ULK4: variants seen among roughly 807,000 people sequenced by gnomAD.
ULK4 encodes unc-51 like kinase 4, also known as inactive serine/threonine-protein kinase ULK4.
A neutral mutation model predicts 160.6 loss-of-function variants in ULK4; 133 were observed. That is an observed-to-expected ratio of 0.83 (90% CI 0.72 to 0.96). ULK4 has a LOEUF of 0.96. Among genes scored for constraint, ULK4 ranks in the 40% least tolerant of loss-of-function variants. The probability of loss-of-function intolerance (pLI) is 0.00; values close to 1 mark genes in which losing one functional copy is unlikely to be tolerated. For synonymous variants in ULK4, 534 were observed against 539.8 expected, an observed-to-expected ratio of 0.99 and a Z score of 0.15; for missense variants, 1,580 against 1,499.5, an observed-to-expected ratio of 1.05 and a Z score of -0.89.
chr3:41,630,071 AG>A, intron 30 of ULK4, among the ~76,000 whole-genome samples: 1 of 152,302 alleles, frequency 6.6e-6, no homozygotes, highest in Middle Eastern at 3.4e-3. Context: ...CAGCAATCTA[AG>A]GGGGACACCA....
At chr3:41,348,206 C>CAAAAAAAAAAAAA (rs1197234650) in intron 35 of ULK4, among the ~76,000 whole-genome samples, 12 of 22,962 alleles carry the variant, frequency 5.2e-4, no homozygotes, top group African/African-American at 1.7e-3. Flanking sequence ...AACTCTGTCT[C>CAAAAAAAAAAAAA]AAAAAAAAAA....
In ULK4 at chr3:41,827,844, C is replaced by A. The variant is rs1471891526; in HGVS notation, c.1764+8020G>T. 8.6e-5 allele frequency among the ~76,000 whole-genome samples: 13 copies of A among 151,812 alleles called. No individual in the cohort carries two copies. In the East Asian group the frequency reaches 2.5e-3, roughly 29 times the overall value. On this transcript the variant is annotated intron_variant, in intron 18 of 36. Coordinates refer to ENST00000301831, the MANE Select transcript of ULK4 (RefSeq NM_017886.4). ...TACCAAAGCCTGGCAGAGACACAAC[C>A]AAAAAAGAGAATTTTAGACCAATAT...
rs1553679683 is a variant in ULK4 at position 41,873,238 on chromosome 3, T to TATTTTTTTA, written c.1656+10635_1656+10636insTAAAAAAAT. Among the ~76,000 whole-genome samples the TATTTTTTTA allele has an allele frequency of 3.1e-3, 459 of 148,926 alleles. 2 individuals carry two copies. Among genetic ancestry groups the TATTTTTTTA allele is most frequent in the African/African-American group, 0.011 (440 of 39,810 alleles). ...GAGTTGCCTTTCTTTTTTTTTTTTT[T>TATTTTTTTA]TTTTTGAAAATGCCCCATTTTTCTA... On this transcript the variant is annotated intron_variant, in intron 17 of 36. Coordinates refer to ENST00000301831, the MANE Select transcript of ULK4 (RefSeq NM_017886.4).
intron 9 of ULK4, 75 bp downstream of exon 9, chr3:41,912,732 G>T: frequency 1.6e-6 from 2 of 1,235,166 alleles, no homozygotes; most frequent in South Asian, 1.5e-5. Flanking sequence ...AGTCATTGAT[G>T]TTGTATATTT....
At chr3:41,309,924 G>A (rs2080018467) in intron 35 of ULK4, among the ~76,000 whole-genome samples, 1 of 151,856 alleles carries the variant, frequency 6.6e-6, no homozygotes. Context: ...ACACATTTTA[G>A]AGGTATATTT....
intron 20 of ULK4, among the ~76,000 whole-genome samples, chr3:41,791,196 G>T (rs932062115): frequency 8.5e-5 from 13 of 152,066 alleles, no homozygotes; most frequent in Admixed American, 8.5e-4. Flanking sequence ...GGGTTTCACC[G>T]TGTTAGCCAG....
intron 16 of ULK4, among the ~76,000 whole-genome samples, chr3:41,888,017 T>A (rs1203732373): frequency 2.4e-4 from 36 of 150,768 alleles, no homozygotes; most frequent in African/African-American, 7.5e-4. Flanking sequence ...AAAAAAAAAA[T>A]GTTTTTAATT....
chr3:41,721,244 TTTCGC>T (rs1400800968), intron 22 of ULK4, among the ~76,000 whole-genome samples: 1 of 133,390 alleles, frequency 7.5e-6, no homozygotes, highest in Admixed American at 7.6e-5. Flanking sequence ...ATGAGAAATT[TTTCGC>T]TTTGAATTTT....
rs142953510 is a variant in ULK4, at chr3:41,758,696, A to G, written c.2194-4208T>C. ...GTCAGGAGATCAAGATCACAGTGAA[A>G]CCCCGTCTCTACCAAAAATACAAAA... is the stretch of plus-strand genomic sequence containing the variant. On this transcript the variant is annotated intron_variant, in intron 21 of 36. Coordinates refer to ENST00000301831, the MANE Select transcript of ULK4 (RefSeq NM_017886.4). Among the ~76,000 whole-genome samples the G allele has an allele frequency of 7.5e-3, 1,139 of 151,972 alleles. 12 individuals carry two copies. Among genetic ancestry groups the G allele is most frequent in the African/African-American group, 0.027 (1,100 of 41,428 alleles).
At chr3:41,938,597 G>A (rs1248941602) in intron 2 of ULK4, among the ~76,000 whole-genome samples, 1 of 152,156 alleles carries the variant, frequency 6.6e-6, no homozygotes, top group Non-Finnish European at 1.5e-5. Context: ...CAGGAGAATT[G>A]CTTGAACTCA....
intron 5 of ULK4, among the ~76,000 whole-genome samples, chr3:41,929,851 T>C (rs1187338245): frequency 1.3e-5 from 2 of 151,684 alleles, no homozygotes; most frequent in African/African-American, 4.8e-5. Flanking sequence ...CACAAACAAA[T>C]GGAAAAAAAT....
intron 32 of ULK4, among the ~76,000 whole-genome samples, chr3:41,524,272 ACTATAG>A (rs1463620707): frequency 6.6e-6 from 1 of 152,208 alleles, no homozygotes; most frequent in African/African-American, 2.4e-5. Context: ...TATATATCTC[ACTATAG>A]CTATTTTTTA....
intron 29 of ULK4, among the ~76,000 whole-genome samples, chr3:41,681,050 T>A (rs1229762506): frequency 6.6e-6 from 1 of 152,184 alleles, no homozygotes; most frequent in Non-Finnish European, 1.5e-5. Context: ...TTCCGCCACC[T>A]CCACCCAACC....
In ULK4 at chr3:41,492,066, AT is replaced by A. The variant is rs554935000; in HGVS notation, c.3227-28814del. ...TCCCTACAAAGGACATGAACTCATCATTTTTTATGGCTGCATAGTATTCCAT... is the reference window on the plus strand; with the variant it reads ...TCCCTACAAAGGACATGAACTCATCATTTTTATGGCTGCATAGTATTCCAT... On this transcript the variant is annotated intron_variant, in intron 32 of 36. Coordinates refer to ENST00000301831, the MANE Select transcript of ULK4 (RefSeq NM_017886.4). Among the ~76,000 whole-genome samples, 819 of 151,896 alleles carry A rather than the reference AT, an allele frequency of 5.4e-3. 11 individuals are homozygous for A. The highest frequency in any genetic ancestry group is 0.019 in the African/African-American group (788 of 41,446).
rs772679591 is a variant in ULK4 at position 41,677,063 on chromosome 3, C to T, written c.2978+4445G>A. 4.6e-5 allele frequency among the ~76,000 whole-genome samples: 7 copies of T among 151,988 alleles called. 1 individual carries two copies. Among genetic ancestry groups the T allele is most frequent in the East Asian group, 1.9e-4 (1 of 5,142 alleles). ...CTGGGACTACAGGTATGCACCACCACGCCTGGATAATTTTTGTATTTTTTT... is the reference window on the plus strand; with the variant it reads ...CTGGGACTACAGGTATGCACCACCATGCCTGGATAATTTTTGTATTTTTTT... On this transcript the variant is annotated intron_variant, in intron 29 of 36. Transcript: ENST00000301831.
intron 32 of ULK4, among the ~76,000 whole-genome samples, chr3:41,541,433 T>C (rs1469941236): frequency 6.6e-6 from 1 of 152,192 alleles, no homozygotes; most frequent in East Asian, 1.9e-4. Flanking sequence ...TACTGTAGCC[T>C]TGTAGCATAG....
intron 22 of ULK4, among the ~76,000 whole-genome samples, chr3:41,721,356 ATATATATTTT>A (rs1234683448): frequency 1.6e-5 from 1 of 61,640 alleles, no homozygotes; most frequent in Non-Finnish European, 2.7e-5. Flanking sequence ...ATATATATAT[ATATATATTTT>A]TTTTTTTTTT....
intron 32 of ULK4, among the ~76,000 whole-genome samples, chr3:41,552,825 G>C (rs1329755918): frequency 2.0e-5 from 3 of 151,878 alleles, no homozygotes; most frequent in Non-Finnish European, 2.9e-5. Flanking sequence ...GAAAAGGTTG[G>C]AGGCATCATA....
intron 30 of ULK4, among the ~76,000 whole-genome samples, chr3:41,616,896 C>T (rs990263054): frequency 6.6e-6 from 1 of 152,184 alleles, no homozygotes; most frequent in African/African-American, 2.4e-5. Context: ...TTGAAATTCT[C>T]ACTGCCAGCA....
Sources: gnomAD v4.1 joint callset for allele counts (sites outside exome capture counted in the v4.1 genomes callset) on GRCh38, gnomAD v4.1.1 for gene constraint, MANE v1.5 for transcripts, NCBI Gene and HGNC (gene_info 2026-07-23, HGNC 2026-07-21) for gene names.